PASK: variants seen among roughly 807,000 people sequenced by gnomAD.
The protein encoded by PASK is PAS domain containing serine/threonine kinase.
PASK carries 110 observed loss-of-function variants against 121.0 expected under a neutral mutation model. The observed-to-expected ratio is 0.91, with a 90% CI of 0.78 to 1.06. The LOEUF is 1.06. Among genes scored for constraint, PASK ranks in the 50% least tolerant of loss-of-function variants. PASK has a pLI of 0.00. For missense variants in PASK, 1,643 were observed against 1,702.3 expected, an observed-to-expected ratio of 0.97 and a Z score of 0.61; for synonymous variants, 686 against 717.8, an observed-to-expected ratio of 0.96 and a Z score of 0.71.
At chr2:241,138,196 C>A (rs2066531648) in intron 5 of PASK, 109 bp from the exon 6 acceptor site, 2 of 1,131,072 alleles carry the variant, frequency 1.8e-6, no homozygotes, top group Admixed American at 2.0e-5. Context: ...CATGACTTCT[C>A]CATCGGAAGG....
rs11892006 is a variant in PASK at position 241,136,167 on chromosome 2, G to A, written c.1138-128C>T. The A allele has an allele frequency of 1.1e-3, 895 of 827,424 alleles. 4 individuals are homozygous for A. The African/African-American group carries it at 0.014, about 13-fold the overall frequency. 51.3% of individuals were successfully genotyped at this position (827,424 alleles called of 1,614,324 possible). On this transcript the variant is annotated intron_variant, in intron 7 of 17. Transcript: ENST00000234040. The stretch of plus-strand genomic sequence containing the variant: ...AGGGTTCACCCTTAAGGTCAGGAAA[G>A]GCCTCGGGCCAAATGCCCTTCGACG...
chr2:241,137,764 G>A (rs1268238651), intron 6 of PASK, among the ~76,000 whole-genome samples, 189 bp downstream of exon 6: 1 of 152,238 alleles, frequency 6.6e-6, no homozygotes, highest in Non-Finnish European at 1.5e-5. Flanking sequence ...GGACAAGAGT[G>A]GTCAGCTGGG....
intron 5 of PASK, 49 bp downstream of exon 5, chr2:241,138,605 G>T: frequency 6.2e-7 from 1 of 1,608,546 alleles, no homozygotes; most frequent in Non-Finnish European, 8.5e-7. Context: ...AGAGGAGAAC[G>T]ACGCCGGCTC....
chr2:241,113,868 G>A (rs767234025), intron 14 of PASK: 22 of 985,292 alleles, frequency 2.2e-5, no homozygotes, highest in Non-Finnish European at 2.5e-5. Context: ...AATGCCCTGA[G>A]AACCAGCATG....
chr2:241,150,311 G>T, upstream of PASK: 1 of 1,335,508 alleles, frequency 7.5e-7, no homozygotes. Flanking sequence ...CCTGCTCTGG[G>T]GGAGGCGCGG....
chr2:241,130,416 G>A (rs1003369668), intron 9 of PASK, among the ~76,000 whole-genome samples: 1 of 152,166 alleles, frequency 6.6e-6, no homozygotes, highest in African/African-American at 2.4e-5. Flanking sequence ...CCAAGGTCCT[G>A]AGGATAGCAA....
chr2:241,110,399 TAAG>T (rs1171194963), intron 15 of PASK, among the ~76,000 whole-genome samples: 1 of 152,034 alleles, frequency 6.6e-6, no homozygotes, highest in Non-Finnish European at 1.5e-5. Context: ...GGATTGAGAA[TAAG>T]AACTCAGAAA....
intron 6 of PASK, 54 bp downstream of exon 6, chr2:241,137,899 T>A: frequency 6.2e-7 from 1 of 1,600,606 alleles, no homozygotes. Flanking sequence ...CAGTTATGGA[T>A]TCAGAGCTAA....
intron 4 of PASK, among the ~76,000 whole-genome samples, chr2:241,139,235 G>A (rs902409908): frequency 6.6e-6 from 1 of 152,184 alleles, no homozygotes; most frequent in African/African-American, 2.4e-5. Flanking sequence ...TGGGAAACAG[G>A]CAACCTGGAG....
At chr2:241,123,102 C>T (rs190136402) in intron 11 of PASK, among the ~76,000 whole-genome samples, 7 of 152,282 alleles carry the variant, frequency 4.6e-5, no homozygotes, top group Non-Finnish European at 1.0e-4. Flanking sequence ...ACACTGATCC[C>T]AACTGGCACA....
At chr2:241,130,429 G>A (rs1168709623) in intron 9 of PASK, among the ~76,000 whole-genome samples, 1 of 152,070 alleles carries the variant, frequency 6.6e-6, no homozygotes, top group Non-Finnish European at 1.5e-5. Context: ...GATAGCAACG[G>A]GCCACGTGGC....
chr2:241,134,485 G>A (rs1469435598), intron 8 of PASK: 2 of 152,210 alleles, frequency 1.3e-5, no homozygotes, highest in Admixed American at 1.3e-4. Context: ...ACCCTGTGGG[G>A]AAGGAGGCTG....
intron 8 of PASK, chr2:241,133,512 G>A: frequency 4.3e-6 from 1 of 234,854 alleles, no homozygotes. Context: ...AAGACTGCAT[G>A]CCCTCTTCCC....
In PASK at chr2:241,127,299, T is replaced by A. The variant is rs1195065303; in HGVS notation, c.1616A>T (p.Asp539Val). ...LLGESRSEPV[D>V]VKPFASCEDS... ...TTCGCAGGAAGCAAATGGCTTCACA[T>A]CCACTGGTTCAGACCTGCTTTCTCC... The change falls in exon 10 of 18, where the codon GAT becomes GTT. Residue 539 changes from aspartate to valine, a missense_variant. Coordinates refer to ENST00000234040, the MANE Select transcript of PASK (RefSeq NM_015148.4). 1 of 1,614,218 alleles carries A rather than the reference T, an allele frequency of 6.2e-7. No individual in the cohort carries two copies. Among genetic ancestry groups the A allele is most frequent in the Non-Finnish European group, 8.5e-7 (1 of 1,180,026 alleles).
chr2:241,112,211 G>A lies in PASK; in HGVS notation c.3533+29C>T. 6.4e-7 allele frequency: 1 copy of A among 1,571,314 alleles called. No homozygotes were observed. Among genetic ancestry groups the A allele is most frequent in the South Asian group, 1.1e-5 (1 of 90,210 alleles). Reference sequence around the variant, plus strand: ...TCAGGGTCCTGACAGAGGACACGAGGACGGGCCGCACCGCAGCCGCATACG... The same window carrying A: ...TCAGGGTCCTGACAGAGGACACGAGAACGGGCCGCACCGCAGCCGCATACG... On this transcript the variant is annotated intron_variant, in intron 15 of 17. Coordinates refer to ENST00000234040, the MANE Select transcript of PASK (RefSeq NM_015148.4). The surrounding 1 kb of genome is among the most constrained non-coding windows in gnomAD (Gnocchi z 5.2).
chr2:241,107,559 A>C, intron 16 of PASK, 60 bp from the exon 17 acceptor site: 2 of 1,555,060 alleles, frequency 1.3e-6, no homozygotes, highest in Non-Finnish European at 1.8e-6. Flanking sequence ...AGCACATCTC[A>C]GATTCCTGGG....
upstream of PASK, chr2:241,150,343 T>C (rs929214724): frequency 7.6e-7 from 1 of 1,323,040 alleles, no homozygotes; most frequent in African/African-American, 1.6e-5. Flanking sequence ...ATGACGGAAC[T>C]ACAACTCCCA....
chr2:241,131,873 G>A (rs188372020), intron 9 of PASK, among the ~76,000 whole-genome samples: 1,600 of 152,156 alleles, frequency 0.011, 17 homozygotes, highest in South Asian at 0.032. Context: ...GGCCAACATA[G>A]TGAAACCCCG....
chr2:241,150,324 C>T (rs1356710039), upstream of PASK: 70 of 1,327,588 alleles, frequency 5.3e-5, no homozygotes, highest in Non-Finnish European at 6.4e-5. Flanking sequence ...AGGCGCGGCG[C>T]GCGGCCTCAT....
Sources: allele counts gnomAD v4.1 joint callset (sites outside exome capture counted in the v4.1 genomes callset), GRCh38; gene constraint gnomAD v4.1.1; non-coding constraint Gnocchi (gnomAD v3.1); transcripts MANE v1.5; gene names NCBI Gene and HGNC (gene_info 2026-07-23, HGNC 2026-07-21).